The following CNOT1 variants were observed in gnomAD, a reference collection of about 807,000 sequenced individuals.
CNOT1 encodes the protein CCR4-NOT transcription complex subunit 1.
Under a neutral mutation model 273.8 loss-of-function variants are expected in CNOT1, and 15 were observed. The observed-to-expected ratio is 0.05, with a 90% CI of 0.04 to 0.08. CNOT1 has a LOEUF of 0.08. CNOT1 is among the 10% of genes least tolerant of loss of function. The probability of loss-of-function intolerance (pLI) is 1.00; values close to 1 mark genes in which losing one functional copy is unlikely to be tolerated. For missense variants in CNOT1, 1,644 were observed against 2,912.2 expected (o/e 0.56, Z 10.02); for synonymous variants, 1,022 against 1,005.5 (o/e 1.02, Z -0.31).
chr16:58,540,503 T>TG (rs2040060073), intron 34 of CNOT1, among the ~76,000 whole-genome samples: 1 of 152,220 alleles, frequency 6.6e-6, no homozygotes, highest in South Asian at 2.1e-4. Context: ...AGAAGTGTTA[T>TG]GGTCATGAAA....
At chr16:58,551,876 C>A in intron 22 of CNOT1, 57 bp from the exon 23 acceptor site, 1 of 1,593,562 alleles carries the variant, frequency 6.3e-7, no homozygotes, top group Non-Finnish European at 8.6e-7. Flanking sequence ...CTGGATTATA[C>A]GTCCCTCTTT....
At chr16:58,590,935 A>T (rs1334329777) in intron 2 of CNOT1, among the ~76,000 whole-genome samples, 1 of 152,236 alleles carries the variant, frequency 6.6e-6, no homozygotes, top group Non-Finnish European at 1.5e-5. Context: ...CCAAATTCTC[A>T]CAAAGTCAAT....
intron 16 of CNOT1, among the ~76,000 whole-genome samples, chr16:58,570,911 G>A (rs2041248607): frequency 6.6e-6 from 1 of 151,974 alleles, no homozygotes; most frequent in South Asian, 2.1e-4. Flanking sequence ...AGTAATGGAA[G>A]AACAGAGGAA....
intron 42 of CNOT1, among the ~76,000 whole-genome samples, chr16:58,530,845 T>TA (rs1333608978): frequency 1.3e-5 from 2 of 150,178 alleles, no homozygotes; most frequent in African/African-American, 4.9e-5. Flanking sequence ...AAGGACCAAG[T>TA]TATTATGGAG....
Position 58,588,991 on chromosome 16 carries a change from C to T in CNOT1, c.103-85G>A. The T allele has an allele frequency of 5.5e-6, 8 of 1,459,284 alleles. No individual in the cohort carries two copies. In the South Asian group the frequency reaches 6.7e-5, roughly 12 times the overall value. 90.4% of individuals were successfully genotyped at this position (1,459,284 alleles called of 1,614,324 possible). The stretch of plus-strand genomic sequence containing the variant: ...GGTTTCAAAAAAGAAAATCAACCTC[C>T]AAGGCAAAATTCCAATTTACATTAG... On this transcript the variant is annotated intron_variant, in intron 2 of 48. Coordinates refer to ENST00000317147, the MANE Select transcript of CNOT1 (RefSeq NM_016284.5).
At chr16:58,526,994 G>GC (rs1167719518) in intron 44 of CNOT1, among the ~76,000 whole-genome samples, 5 of 152,188 alleles carry the variant, frequency 3.3e-5, no homozygotes, top group Admixed American at 6.5e-5. Context: ...TCACACCTGT[G>GC]AATAGTCACT....
At chr16:58,573,918 G>A (rs961788423) in intron 16 of CNOT1, among the ~76,000 whole-genome samples, 3 of 152,056 alleles carry the variant, frequency 2.0e-5, no homozygotes, top group Admixed American at 6.6e-5. Flanking sequence ...GATCAAGACT[G>A]TGGAACTGGC....
rs377499751 is a variant in CNOT1, at chr16:58,532,430, T to A, written c.5896-35A>T. ...ACACAAATCAGAGCTTGTAAATCAT[T>A]CAGATAATCCACTCACCACTTCGAT... On this transcript the variant is annotated intron_variant, in intron 40 of 48. Coordinates refer to ENST00000317147, the MANE Select transcript of CNOT1 (RefSeq NM_016284.5). The A allele has an allele frequency of 2.4e-4, 383 of 1,601,870 alleles. 2 individuals carry two copies. In the South Asian group the frequency reaches 2.7e-3, roughly 11 times the overall value.
rs1258088249 is a variant in CNOT1, at chr16:58,551,633, T to C, written c.3157A>G (p.Thr1053Ala). ...CTGACTCCAGTTGGCCTGGTGACCG[T>C]AACCGTTTTAGCAACAGTGGTAGTT... ...STTTTVAKTVTVTRPTGVSFK... is the reference protein window; with the variant it reads ...STTTTVAKTVAVTRPTGVSFK... The change falls in exon 23 of 49, where the codon ACG becomes GCG. Residue 1053 changes from threonine to alanine, a missense_variant. This residue lies in a region of CNOT1 where 77 missense variants were observed against 90.5 expected (regional missense o/e 0.85). Coordinates refer to ENST00000317147, the MANE Select transcript of CNOT1 (RefSeq NM_016284.5). 6.2e-7 allele frequency: 1 copy of C among 1,614,210 alleles called. No homozygotes were observed. Among genetic ancestry groups the C allele is most frequent in the Admixed American group, 1.7e-5 (1 of 60,030 alleles).
At chr16:58,543,131 A>C in intron 31 of CNOT1, 5 of 1,330,556 alleles carry the variant, frequency 3.8e-6, no homozygotes, top group Non-Finnish European at 4.8e-6. Flanking sequence ...AACCAAAAAA[A>C]ATCATTAAAG....
intron 16 of CNOT1, among the ~76,000 whole-genome samples, chr16:58,564,850 C>T (rs186552754): frequency 6.6e-6 from 1 of 151,950 alleles, no homozygotes; most frequent in Non-Finnish European, 1.5e-5. Context: ...GCAGGAGAAT[C>T]GCTTGAACCT....
At chr16:58,522,718 A>C (rs985059454) in intron 47 of CNOT1, among the ~76,000 whole-genome samples, 1 of 152,244 alleles carries the variant, frequency 6.6e-6, no homozygotes, top group South Asian at 2.1e-4. Flanking sequence ...CTTAACATAG[A>C]CTTCATAGGC....
intron 1 of CNOT1, among the ~76,000 whole-genome samples, chr16:58,603,207 A>G (rs2042535930): frequency 6.6e-6 from 1 of 152,156 alleles, no homozygotes; most frequent in African/African-American, 2.4e-5. Context: ...TCTCAACATA[A>G]TGTCCAGAGA....
chr16:58,588,962 G>T, intron 2 of CNOT1, 56 bp from the exon 3 acceptor site: 2 of 1,467,166 alleles, frequency 1.4e-6, no homozygotes, highest in Non-Finnish European at 9.1e-7. Flanking sequence ...AAAAAAAAAA[G>T]TAAGGTTTCA....
intron 40 of CNOT1, chr16:58,532,648 G>T: frequency 2.1e-6 from 1 of 486,796 alleles, no homozygotes; most frequent in South Asian, 3.5e-5. Flanking sequence ...AATGCCCAAT[G>T]GTTCTTCTTC....
intron 24 of CNOT1, 130 bp downstream of exon 24, chr16:58,550,998 CTAGT>C: frequency 6.9e-7 from 1 of 1,453,628 alleles, no homozygotes; most frequent in East Asian, 2.5e-5. Context: ...ACCAAACCCA[CTAGT>C]TAAATATACA....
intron 2 of CNOT1, among the ~76,000 whole-genome samples, chr16:58,591,260 A>G (rs1461450477): frequency 6.6e-6 from 1 of 152,230 alleles, no homozygotes; most frequent in Non-Finnish European, 1.5e-5. Flanking sequence ...CAACCTAAAA[A>G]AATAGAAGGC....
At chr16:58,545,589 CG>C in intron 29 of CNOT1, 98 bp from the exon 30 acceptor site, 2 of 1,535,052 alleles carry the variant, frequency 1.3e-6, no homozygotes, top group Non-Finnish European at 1.8e-6. Context: ...TCTAATTAAA[CG>C]AATTAAATTG....
intron 8 of CNOT1, 72 bp from the exon 9 acceptor site, chr16:58,583,254 A>G: frequency 5.7e-6 from 9 of 1,583,688 alleles, no homozygotes; most frequent in African/African-American, 1.4e-5. Context: ...CTGGCATTAA[A>G]TGAACCTTGT....
Sources: gnomAD v4.1 joint callset for allele counts (sites outside exome capture counted in the v4.1 genomes callset) on GRCh38, gnomAD v4.1.1 for gene constraint, gnomAD v4.1.1 regional missense constraint, MANE v1.5 for transcripts, NCBI Gene and HGNC (gene_info 2026-07-23, HGNC 2026-07-21) for gene names.